INSYN2B: variants seen among roughly 807,000 people sequenced by gnomAD.
The protein encoded by INSYN2B is protein INSYN2B.
In INSYN2B, 16 loss-of-function variants were observed where a neutral mutation model predicts 41.2. The ratio of observed to expected loss-of-function variants is 0.39; its 90% CI spans 0.26 to 0.59. The LOEUF (loss-of-function observed/expected upper bound fraction) is 0.59, where lower values mean the gene tolerates loss of function less well. INSYN2B is among the 20% of genes least tolerant of loss of function. INSYN2B has a pLI of 0.57. For synonymous variants in INSYN2B, 245 were observed against 244.4 expected (o/e 1.00, Z -0.02); for missense variants, 608 against 646.4 (o/e 0.94, Z 0.64).
At chr5:169,864,777 A>G (rs986580327) in intron 3 of INSYN2B, among the ~76,000 whole-genome samples, 2 of 152,182 alleles carry the variant, frequency 1.3e-5, no homozygotes, top group African/African-American at 2.4e-5. Flanking sequence ...GGCATGTGTT[A>G]TGCATGAAAA....
In INSYN2B at chr5:169,861,934, T is replaced by G. The variant is rs989457473; in HGVS notation, c.*2339A>C. Among the ~76,000 whole-genome samples, 9 of 127,932 alleles carry G rather than the reference T, an allele frequency of 7.0e-5. No homozygotes were observed. The highest frequency in any genetic ancestry group is 2.0e-4 in the African/African-American group (8 of 39,096). 83.9% of individuals were successfully genotyped at this position (127,932 alleles called of 152,430 possible). A position where few individuals can be genotyped will look rare whatever the true frequency, so the allele number is the denominator to read the frequency against. ...TTATTTATTTTTTTCTTTTCTTTTC[T>G]TTTCTTTTTTTTTTGTTGGGGAAGT... On this transcript the variant is annotated 3_prime_UTR_variant, in exon 4 of 4. Coordinates refer to ENST00000377365, the MANE Select transcript of INSYN2B (RefSeq NM_001129891.3).
chr5:169,895,485 T>A (rs899945435), intron 1 of INSYN2B, among the ~76,000 whole-genome samples: 4 of 152,026 alleles, frequency 2.6e-5, no homozygotes, highest in Non-Finnish European at 5.9e-5. Context: ...CTGAGTCTTC[T>A]CCCCTGCCCC....
chr5:169,895,048 C>T (rs1045853817), intron 1 of INSYN2B, among the ~76,000 whole-genome samples: 1 of 152,106 alleles, frequency 6.6e-6, no homozygotes, highest in African/African-American at 2.4e-5. Flanking sequence ...TTGCTGGAAT[C>T]GATGTTGCAT....
At chr5:169,900,048 C>T (rs1306176021) in intron 1 of INSYN2B, among the ~76,000 whole-genome samples, 1 of 152,180 alleles carries the variant, frequency 6.6e-6, no homozygotes, top group Non-Finnish European at 1.5e-5. Context: ...TTCTTTCCTC[C>T]TTCCCTCTCT....
intron 1 of INSYN2B, among the ~76,000 whole-genome samples, chr5:169,891,630 A>T (rs1412536203): frequency 6.6e-6 from 1 of 152,108 alleles, no homozygotes; most frequent in Non-Finnish European, 1.5e-5. Context: ...AACCCCCCTC[A>T]TTATAGAGAT....
chr5:169,924,929 C>G (rs1026708836), intron 1 of INSYN2B, among the ~76,000 whole-genome samples: 1 of 152,140 alleles, frequency 6.6e-6, no homozygotes, highest in African/African-American at 2.4e-5. Context: ...GAGTGTGTGT[C>G]CAGGCACAAT....
chr5:169,888,106 G>A (rs890261385), intron 1 of INSYN2B, among the ~76,000 whole-genome samples: 1 of 152,198 alleles, frequency 6.6e-6, no homozygotes, highest in African/African-American at 2.4e-5. Flanking sequence ...TTTTTAGACA[G>A]AGCCTAGGAA....
chr5:169,867,193 G>A (rs1290800252), intron 3 of INSYN2B, among the ~76,000 whole-genome samples: 1 of 152,234 alleles, frequency 6.6e-6, no homozygotes, highest in Non-Finnish European at 1.5e-5. Flanking sequence ...CATTCCTCCA[G>A]GGTATGGGCA....
chr5:169,947,068 C>A (rs1304865360), intron 1 of INSYN2B, among the ~76,000 whole-genome samples: 1 of 152,194 alleles, frequency 6.6e-6, no homozygotes, highest in Non-Finnish European at 1.5e-5. Flanking sequence ...GCCTAACCTG[C>A]AACATACGTT....
chr5:169,967,370 C>T (rs550368572), intron 1 of INSYN2B, among the ~76,000 whole-genome samples: 9 of 152,334 alleles, frequency 5.9e-5, no homozygotes, highest in African/African-American at 1.7e-4. Context: ...AGATGCTGAA[C>T]AATGCTTCTG....
chr5:169,956,926 G>A (rs1416709686), intron 1 of INSYN2B, among the ~76,000 whole-genome samples: 1 of 152,040 alleles, frequency 6.6e-6, no homozygotes, highest in African/African-American at 2.4e-5. Flanking sequence ...TCCCTGGAGG[G>A]CCTGCAGAGC....
At chr5:169,933,840 A>G (rs1422451833) in intron 1 of INSYN2B, among the ~76,000 whole-genome samples, 1 of 152,174 alleles carries the variant, frequency 6.6e-6, no homozygotes, top group Admixed American at 6.5e-5. Flanking sequence ...GCTGGCGTCC[A>G]GACTTACTGT....
In INSYN2B at chr5:169,980,260, C is replaced by G. The variant is rs1488743250; in HGVS notation, c.-919+17G>C. ...GATCATCGATCATAAAAAATAAAAC[C>G]TACCCACATCTCTTACCTTGAAGCA... On this transcript the variant is annotated intron_variant, in intron 1 of 3. Transcript: ENST00000377365. The G allele has an allele frequency of 4.6e-5, 7 of 152,258 alleles. 1 individual carries two copies. In the Middle Eastern group the frequency reaches 0.017, roughly 370 times the overall value. The allele number at this position is 152,258 out of a possible 1,614,324, so 9.4% of individuals were successfully genotyped here. A position where few individuals can be genotyped will look rare whatever the true frequency, so the allele number is the denominator to read the frequency against.
At chr5:169,891,985 G>A (rs1346235076) in intron 1 of INSYN2B, among the ~76,000 whole-genome samples, 1 of 126,132 alleles carries the variant, frequency 7.9e-6, no homozygotes, top group South Asian at 2.6e-4. Flanking sequence ...AACAGTGCGA[G>A]ATTCCGTCCC....
chr5:169,905,645 G>C (rs261047), intron 1 of INSYN2B, among the ~76,000 whole-genome samples: 45,791 of 151,960 alleles, frequency 0.3, 7,684 homozygotes, highest in East Asian at 0.55. Flanking sequence ...GGATGGGTGT[G>C]GGGTAGGCAG....
chr5:169,954,325 T>A (rs992302563), intron 1 of INSYN2B, among the ~76,000 whole-genome samples: 1 of 152,262 alleles, frequency 6.6e-6, no homozygotes, highest in African/African-American at 2.4e-5. Flanking sequence ...TTTATGAACA[T>A]CAAACTTAAC....
chr5:169,976,286 G>A (rs1318321041), intron 1 of INSYN2B, among the ~76,000 whole-genome samples: 1 of 152,186 alleles, frequency 6.6e-6, no homozygotes, highest in African/African-American at 2.4e-5. Context: ...AGTCGGAAAG[G>A]CCTAAATTTT....
intron 1 of INSYN2B, among the ~76,000 whole-genome samples, chr5:169,960,369 G>T (rs1777035841): frequency 6.6e-6 from 1 of 152,116 alleles, no homozygotes; most frequent in African/African-American, 2.4e-5. Context: ...GCTATTTCTG[G>T]TTCTTGTAGC....
At chr5:169,917,601 G>A (rs111377313) in intron 1 of INSYN2B, among the ~76,000 whole-genome samples, 2 of 152,144 alleles carry the variant, frequency 1.3e-5, no homozygotes, top group African/African-American at 4.8e-5. Flanking sequence ...TTTTCTAATC[G>A]ATTGCTTGCT....
Sources: allele counts gnomAD v4.1 joint callset (sites outside exome capture counted in the v4.1 genomes callset), GRCh38; gene constraint gnomAD v4.1.1; transcripts MANE v1.5; gene names NCBI Gene and HGNC (gene_info 2026-07-23, HGNC 2026-07-21).